The following RBM20 variants were observed in gnomAD, a reference collection of about 807,000 sequenced individuals.
The protein encoded by RBM20 is RNA binding motif protein 20.
In RBM20, 51 loss-of-function variants were observed where a neutral mutation model predicts 110.1. The observed-to-expected ratio is 0.46, with a 90% CI of 0.37 to 0.59. The LOEUF (loss-of-function observed/expected upper bound fraction) is 0.59, where lower values mean the gene tolerates loss of function less well. Among genes scored for constraint, RBM20 ranks in the 20% least tolerant of loss-of-function variants. RBM20 has a pLI of 0.00. For missense variants in RBM20, 1,512 were observed against 1,574.9 expected (o/e 0.96, Z 0.68); for synonymous variants, 589 against 618.2 (o/e 0.95, Z 0.70).
chr10:110,668,551 C>T (rs1038643983), intron 1 of RBM20, among the ~76,000 whole-genome samples: 2 of 151,872 alleles, frequency 1.3e-5, no homozygotes, highest in African/African-American at 2.4e-5. Flanking sequence ...GCAGAAATTG[C>T]GAATGGCCCC....
intron 1 of RBM20, among the ~76,000 whole-genome samples, chr10:110,761,980 G>A (rs921419878): frequency 6.6e-6 from 1 of 152,232 alleles, no homozygotes; most frequent in Non-Finnish European, 1.5e-5. Context: ...GTCGAGGCCT[G>A]CGGATCACCT....
chr10:110,767,349 C>T (rs1336638094), intron 1 of RBM20, among the ~76,000 whole-genome samples: 1 of 145,604 alleles, frequency 6.9e-6, no homozygotes, highest in African/African-American at 2.6e-5. Flanking sequence ...GGCTGACCCC[C>T]CCACCTCCCT....
intron 12 of RBM20, among the ~76,000 whole-genome samples, chr10:110,825,302 T>A (rs1212593292): frequency 6.6e-6 from 1 of 152,212 alleles, no homozygotes; most frequent in Non-Finnish European, 1.5e-5. Flanking sequence ...CGCAAGTCTC[T>A]TGTCATCCAA....
At chr10:110,767,455 G>C (rs1844116571) in intron 1 of RBM20, among the ~76,000 whole-genome samples, 2 of 151,528 alleles carry the variant, frequency 1.3e-5, no homozygotes, top group Admixed American at 6.5e-5. Flanking sequence ...TCCCAGACGG[G>C]GTGGCTGCCG....
chr10:110,749,158 C>A (rs1312424570), intron 1 of RBM20, among the ~76,000 whole-genome samples: 1 of 152,168 alleles, frequency 6.6e-6, no homozygotes, highest in Non-Finnish European at 1.5e-5. Flanking sequence ...GCTGAAGAAC[C>A]TAGCCAATGC....
At chr10:110,711,186 TG>T (rs11288235) in intron 1 of RBM20, among the ~76,000 whole-genome samples, 99,027 of 151,080 alleles carry the variant, frequency 0.66, 32,977 homozygotes, top group East Asian at 1. Flanking sequence ...AAAAATTAGC[TG>T]GGCGTGGTGG....
intron 1 of RBM20, among the ~76,000 whole-genome samples, chr10:110,703,637 T>C (rs1169279514): frequency 6.6e-6 from 1 of 152,194 alleles, no homozygotes; most frequent in African/African-American, 2.4e-5. Flanking sequence ...CCCTATACAA[T>C]TTTATCACAC....
At chr10:110,823,380 C>T in intron 11 of RBM20, 100 bp from the exon 12 acceptor site, 3 of 1,392,522 alleles carry the variant, frequency 2.2e-6, no homozygotes, top group Non-Finnish European at 2.9e-6. Context: ...AATTCCCAAT[C>T]ATACTATGCA....
chr10:110,671,027 A>G (rs1029327001), intron 1 of RBM20, among the ~76,000 whole-genome samples: 6 of 152,246 alleles, frequency 3.9e-5, no homozygotes, highest in Non-Finnish European at 8.8e-5. Context: ...GCTGCCAAAG[A>G]AAGTCACTTT....
chr10:110,785,593 A>G (rs576213749), intron 5 of RBM20, among the ~76,000 whole-genome samples: 4 of 151,172 alleles, frequency 2.6e-5, no homozygotes, highest in South Asian at 4.1e-4. Context: ...CTCCATTGTC[A>G]TTGTTGTTGT....
At chr10:110,699,913 CT>C in intron 1 of RBM20, among the ~76,000 whole-genome samples, 1 of 152,210 alleles carries the variant, frequency 6.6e-6, no homozygotes, top group Middle Eastern at 3.4e-3. Context: ...ATTGAGGTGG[CT>C]ACTAAATGAC....
At chr10:110,682,250 G>A (rs980373573) in intron 1 of RBM20, among the ~76,000 whole-genome samples, 2 of 152,140 alleles carry the variant, frequency 1.3e-5, no homozygotes, top group Non-Finnish European at 2.9e-5. Context: ...GGCATTCGTT[G>A]TCATGTCTCC....
Position 110,724,706 on chromosome 10 carries a change from G to A in RBM20, c.192-56095G>A, listed in dbSNP as rs576103155. ...GGGACATTCTTTCTCTGAAGCCAAA[G>A]CAGATGTTTTCACTTCATCTGGGGA... On this transcript the variant is annotated intron_variant, in intron 1 of 13. Transcript: ENST00000369519. 7.7e-4 allele frequency among the ~76,000 whole-genome samples: 118 copies of A among 152,308 alleles called. 2 individuals carry two copies. The Middle Eastern group carries it at 0.01, about 13-fold the overall frequency.
rs1483003238 is a variant in RBM20 at position 110,709,784 on chromosome 10, G to A, written c.191+65139G>A. ...GGGGGGTCTCATTTTGTTGCCAGGC[G>A]GGTCTCAAACTCCTGGACTCAAGCA... On this transcript the variant is annotated intron_variant, in intron 1 of 13. Transcript: ENST00000369519. 5.3e-5 allele frequency among the ~76,000 whole-genome samples: 8 copies of A among 151,572 alleles called. No homozygotes were observed. In the East Asian group the frequency reaches 7.8e-4, roughly 15 times the overall value.
At chr10:110,794,442 G>A (rs187642512) in intron 5 of RBM20, among the ~76,000 whole-genome samples, 37 of 152,304 alleles carry the variant, frequency 2.4e-4, no homozygotes, top group African/African-American at 8.7e-4. Flanking sequence ...TTAACCTAGA[G>A]ATTCTCAAGA....
chr10:110,772,404 C>T (rs909988210), intron 1 of RBM20, among the ~76,000 whole-genome samples: 1 of 152,180 alleles, frequency 6.6e-6, no homozygotes, highest in African/African-American at 2.4e-5. Flanking sequence ...CATATACAGT[C>T]GCGGGTCGCA....
intron 7 of RBM20, among the ~76,000 whole-genome samples, chr10:110,807,617 A>T (rs1008356650): frequency 6.6e-6 from 1 of 152,324 alleles, no homozygotes; most frequent in Middle Eastern, 3.4e-3. Context: ...CCCTACCCTC[A>T]TAGTCACTCT....
chr10:110,655,337 C>T (rs1862006808), intron 1 of RBM20, among the ~76,000 whole-genome samples: 1 of 136,952 alleles, frequency 7.3e-6, no homozygotes, highest in Non-Finnish European at 1.5e-5. Flanking sequence ...ATCTATATCC[C>T]AATTTAAATT....
In RBM20 at chr10:110,823,541, G is replaced by A. The variant is rs796430041; in HGVS notation, c.3378G>A (p.Val1126=). 5.2e-6 allele frequency: 8 copies of A among 1,546,160 alleles called. No homozygotes were observed. The highest frequency in any genetic ancestry group is 7.0e-6 in the Non-Finnish European group (8 of 1,145,148). The change falls in exon 12 of 14, where the codon GTG becomes GTA. Residue 1126 remains valine, a synonymous_variant. Coordinates refer to ENST00000369519, the MANE Select transcript of RBM20 (RefSeq NM_001134363.3). ...TGAGGTCACCAGAGTACACTGAAGT[G>A]GAACTGAAACAGCCCCTTTCTTTGC... is the stretch of plus-strand genomic sequence containing the variant. ...LEVRSPEYTE[V]ELKQPLSLPS... is the part of the protein sequence containing the mutation.
Sources: gnomAD v4.1 joint callset for allele counts (sites outside exome capture counted in the v4.1 genomes callset) on GRCh38, gnomAD v4.1.1 for gene constraint, MANE v1.5 for transcripts, NCBI Gene and HGNC (gene_info 2026-07-23, HGNC 2026-07-21) for gene names.